Variants in RBM47 observed in about 807,000 individuals in gnomAD.
The protein encoded by RBM47 is RNA-binding protein 47.
A neutral mutation model predicts 47.1 loss-of-function variants in RBM47; 21 were observed. That is an observed-to-expected ratio of 0.45 (90% CI 0.32 to 0.64). The LOEUF is 0.64. Among genes scored for constraint, RBM47 ranks in the 30% least tolerant of loss-of-function variants. The probability of loss-of-function intolerance (pLI) is 0.05; values close to 1 mark genes in which losing one functional copy is unlikely to be tolerated. For missense variants in RBM47, 708 were observed against 870.9 expected (o/e 0.81, Z 2.35); for synonymous variants, 375 against 361.7 (o/e 1.04, Z -0.42).
At chr4:40,543,898 T>C (rs1331480200) in intron 2 of RBM47, 1 of 145,440 alleles carries the variant, frequency 6.9e-6, no homozygotes, top group Non-Finnish European at 1.5e-5. Context: ...CCTTAAAAAT[T>C]CAACCCTCTA....
Position 40,446,792 on chromosome 4 carries a change from T to G in RBM47, c.-31-7868A>C, listed in dbSNP as rs908067763. ...AAGACAATAAAACTTAAAAAAAAAA[T>G]TGAACTGGAGGGAAGAATCTTGCCC... is the stretch of plus-strand genomic sequence containing the variant. On this transcript the variant is annotated intron_variant, in intron 3 of 6. Transcript: ENST00000295971. 4.7e-5 allele frequency among the ~76,000 whole-genome samples: 6 copies of G among 126,336 alleles called. No homozygotes were observed. In the South Asian group the frequency reaches 1.5e-3, roughly 31 times the overall value. The allele number at this position is 126,336 out of a possible 152,430, so 82.9% of individuals were successfully genotyped here.
At chr4:40,549,059 T>C (rs1042802371) in intron 1 of RBM47, among the ~76,000 whole-genome samples, 1 of 152,050 alleles carries the variant, frequency 6.6e-6, no homozygotes, top group African/African-American at 2.4e-5. Flanking sequence ...TTACTCATTC[T>C]TTTTATCAAT....
At chr4:40,508,717 C>T (rs774742726) in intron 2 of RBM47, among the ~76,000 whole-genome samples, 1 of 152,052 alleles carries the variant, frequency 6.6e-6, no homozygotes, top group African/African-American at 2.4e-5. Context: ...AGGAGAGGCA[C>T]GACGATACTG....
At chr4:40,605,862 CATTT>C (rs1213321898) in intron 1 of RBM47, among the ~76,000 whole-genome samples, 2 of 151,424 alleles carry the variant, frequency 1.3e-5, no homozygotes, top group Non-Finnish European at 2.9e-5. Flanking sequence ...ACGGGTTTTC[CATTT>C]AAGAAATGAG....
intron 2 of RBM47, among the ~76,000 whole-genome samples, chr4:40,502,466 T>C (rs1398956792): frequency 1.3e-5 from 2 of 152,094 alleles, no homozygotes; most frequent in African/African-American, 4.8e-5. Flanking sequence ...CCCATCTCTC[T>C]GGTAAGGAGG....
rs560807176 is a variant in RBM47, at chr4:40,626,590, G to A, written c.-240+2806C>T. On this transcript the variant is annotated intron_variant, in intron 1 of 6. Coordinates refer to ENST00000295971, the MANE Select transcript of RBM47 (RefSeq NM_001098634.2). ...AGACACTCTCTCCCTTTCTACTTTC[G>A]CTGGAAAATGAAAGTTTTCCTCCCC... 3.3e-5 allele frequency among the ~76,000 whole-genome samples: 5 copies of A among 151,968 alleles called. No individual in the cohort carries two copies. The East Asian group carries it at 5.8e-4, about 18-fold the overall frequency.
At chr4:40,562,766 G>A (rs573645237) in intron 1 of RBM47, among the ~76,000 whole-genome samples, 11 of 152,140 alleles carry the variant, frequency 7.2e-5, no homozygotes, top group South Asian at 4.1e-4. Flanking sequence ...GTGCCCAGCC[G>A]AAATATTTCC....
At chr4:40,435,869 T>G (rs1395053917) in intron 5 of RBM47, among the ~76,000 whole-genome samples, 1 of 151,728 alleles carries the variant, frequency 6.6e-6, no homozygotes, top group Non-Finnish European at 1.5e-5. Flanking sequence ...TTGAAAACCT[T>G]ACTGCATGGC....
chr4:40,481,372 A>C (rs1166735054), intron 2 of RBM47, among the ~76,000 whole-genome samples: 2 of 149,766 alleles, frequency 1.3e-5, no homozygotes, highest in Non-Finnish European at 3.0e-5. Context: ...TCCCAGGTTC[A>C]AGCAATTCTC....
At position 40,438,847 on chromosome 4, in the gene RBM47, G is replaced by A. The variant is rs1277216226; in HGVS notation, c.47C>T (p.Ala16Val). 6.4e-7 allele frequency: 1 copy of A among 1,558,970 alleles called. No individual in the cohort carries two copies. Among genetic ancestry groups the A allele is most frequent in the East Asian group, 2.3e-5 (1 of 43,362 alleles). Residue 16 changes from alanine to valine, a missense_variant, in exon 4 of 7, where the codon GCC (alanine) becomes GTC (valine). By Grantham distance (64) the Ala-to-Val change is moderately conservative. Coordinates refer to ENST00000295971, the MANE Select transcript of RBM47 (RefSeq NM_001098634.2). Reference sequence around the variant, plus strand: ...CTCGGGCACCTTGGCGGAGGACCCGGCGGCCGAGTCACTGCTCATGGCTGC... The same window carrying A: ...CTCGGGCACCTTGGCGGAGGACCCGACGGCCGAGTCACTGCTCATGGCTGC... ...STAAMSSDSA[A>V]GSSAKVPEGV...
At chr4:40,501,084 C>T (rs968857286) in intron 2 of RBM47, among the ~76,000 whole-genome samples, 2 of 151,948 alleles carry the variant, frequency 1.3e-5, no homozygotes, top group African/African-American at 2.4e-5. Context: ...CAAGCGATCC[C>T]GGGTGACTGA....
In RBM47 at chr4:40,436,607, G is replaced by A; in HGVS notation, c.1164C>T (p.Asn388=). ...IRGRGRGAAG[N]RAPGPRGSYL... ...AGGAACCCCTAGGCCCTGGGGCTCT[G>A]TTGCCAGCTGCACCTCGCCCTCGGC... The change falls in exon 5 of 7, where the codon AAC becomes AAT. Residue 388 remains asparagine, a synonymous_variant. Coordinates refer to ENST00000295971, the MANE Select transcript of RBM47 (RefSeq NM_001098634.2). 6.2e-7 allele frequency: 1 copy of A among 1,614,166 alleles called. No homozygotes were observed. The highest frequency in any genetic ancestry group is 8.5e-7 in the Non-Finnish European group (1 of 1,180,034).
intron 1 of RBM47, among the ~76,000 whole-genome samples, chr4:40,581,122 G>T (rs11731894): frequency 0.13 from 19,673 of 152,114 alleles, 1,709 homozygotes; most frequent in African/African-American, 0.24. Context: ...TTGGGTTTTA[G>T]TCTAAAGAAA....
chr4:40,433,000 G>A, intron 5 of RBM47, 138 bp from the exon 6 acceptor site: 2 of 1,270,994 alleles, frequency 1.6e-6, no homozygotes, highest in Non-Finnish European at 2.1e-6. Flanking sequence ...TCACTCTGTG[G>A]CCCAGGCTGG....
intron 2 of RBM47, among the ~76,000 whole-genome samples, chr4:40,491,192 G>C (rs1208237420): frequency 6.6e-6 from 1 of 152,174 alleles, no homozygotes; most frequent in Non-Finnish European, 1.5e-5. Context: ...GTGGTCAATC[G>C]ATTCCGGACA....
intron 2 of RBM47, among the ~76,000 whole-genome samples, chr4:40,510,180 T>G: frequency 1.2e-5 from 1 of 84,486 alleles, no homozygotes; most frequent in Admixed American, 1.6e-4. Flanking sequence ...AGAGTGAAAC[T>G]CCATCTCAAA....
At position 40,423,660 on chromosome 4, in the gene RBM47, C is replaced by CT. The variant is rs1203066663; in HGVS notation, c.*2243dup. On this transcript the variant is annotated 3_prime_UTR_variant, in exon 7 of 7. Transcript: ENST00000295971. Reference sequence around the variant, plus strand: ...TTTTATTCTTTCTTTCTTTTTCTTTCTTTCTTTCTTTCTTTCTTTCTTTCT... The same window carrying CT: ...TTTTATTCTTTCTTTCTTTTTCTTTCTTTTCTTTCTTTCTTTCTTTCTTTCT... The CT allele has an allele frequency of 4.0e-5, 1 of 25,002 alleles. No individual in the cohort carries two copies. The highest frequency in any genetic ancestry group is 1.7e-4 in the African/African-American group (1 of 5,996). 1.5% of individuals were successfully genotyped at this position (25,002 alleles called of 1,614,324 possible). A position where few individuals can be genotyped will look rare whatever the true frequency, so the allele number is the denominator to read the frequency against.
At chr4:40,563,153 T>C (rs147402288) in intron 1 of RBM47, among the ~76,000 whole-genome samples, 209 of 152,304 alleles carry the variant, frequency 1.4e-3, no homozygotes, top group African/African-American at 4.9e-3. Context: ...ATGGCGCCAC[T>C]GCACTCCAGT....
chr4:40,502,050 T>G (rs1723445281), intron 2 of RBM47: 1 of 154,444 alleles, frequency 6.5e-6, no homozygotes, highest in South Asian at 2.0e-4. Flanking sequence ...CTGCTTGGCC[T>G]GCTTGAAGGT....
Sources: gnomAD v4.1 joint callset for allele counts (sites outside exome capture counted in the v4.1 genomes callset) on GRCh38, gnomAD v4.1.1 for gene constraint, MANE v1.5 for transcripts, NCBI Gene and HGNC (gene_info 2026-07-23, HGNC 2026-07-21) for gene names.